Variants in C1orf21 observed in about 807,000 individuals in gnomAD.
C1orf21 encodes chromosome 1 open reading frame 21.
Under a neutral mutation model 18.7 loss-of-function variants are expected in C1orf21, and 3 were observed. The ratio of observed to expected loss-of-function variants is 0.16; its 90% CI spans 0.07 to 0.42. The LOEUF (loss-of-function observed/expected upper bound fraction) is 0.42. Ranked by LOEUF, C1orf21 falls within the 10% of genes least tolerant of loss-of-function variation. The pLI is 0.99. For synonymous variants in C1orf21, 41 were observed against 46.4 expected (o/e 0.88, Z 0.47); for missense variants, 104 against 143.6 (o/e 0.72, Z 1.41).
intron 1 of C1orf21, among the ~76,000 whole-genome samples, chr1:184,449,698 T>G (rs1455186623): frequency 6.6e-6 from 1 of 152,112 alleles, no homozygotes. Context: ...CCAAGAACGG[T>G]TTTAGTTGGA....
chr1:184,615,838 G>A (rs1659813172), intron 5 of C1orf21, among the ~76,000 whole-genome samples: 1 of 152,056 alleles, frequency 6.6e-6, no homozygotes. Context: ...CGTATTTATA[G>A]GGTACATGTG....
intron 3 of C1orf21, among the ~76,000 whole-genome samples, chr1:184,510,272 A>C (rs1176023587): frequency 6.6e-6 from 1 of 152,252 alleles, no homozygotes; most frequent in South Asian, 2.1e-4. Flanking sequence ...ATTTTCGCTC[A>C]GTTCAACAAA....
At chr1:184,495,547 C>T (rs186784380) in intron 2 of C1orf21, among the ~76,000 whole-genome samples, 1 of 152,112 alleles carries the variant, frequency 6.6e-6, no homozygotes, top group Non-Finnish European at 1.5e-5. Context: ...ACTTACTCAT[C>T]TTCCCTCCCT....
At position 184,582,083 on chromosome 1, in the gene C1orf21, C is replaced by G. The variant is rs144660529; in HGVS notation, c.190-8656C>G. ...AGCTTGGGCTTCATTTGTAAACATCCTGAAATTCTGAGAGTCAAGGTGGCT... is the reference window on the plus strand; with the variant it reads ...AGCTTGGGCTTCATTTGTAAACATCGTGAAATTCTGAGAGTCAAGGTGGCT... On this transcript the variant is annotated intron_variant, in intron 3 of 5. Transcript: ENST00000235307. Among the ~76,000 whole-genome samples the G allele has an allele frequency of 2.0e-3, 305 of 152,268 alleles. 1 individual carries two copies. The highest frequency in any genetic ancestry group is 7.2e-3 in the African/African-American group (301 of 41,550).
rs148232391 is a variant in C1orf21 at position 184,573,427 on chromosome 1, A to C, written c.190-17312A>C. Among the ~76,000 whole-genome samples the C allele has an allele frequency of 2.6e-3, 389 of 152,334 alleles. 2 individuals are homozygous for C. Among genetic ancestry groups the C allele is most frequent in the African/African-American group, 8.7e-3 (360 of 41,574 alleles). ...CGCGTGATGTTAACATCATTCTCGAAGAGTTCTTGGCCGAAGATTCATTTG... is the reference window on the plus strand; with the variant it reads ...CGCGTGATGTTAACATCATTCTCGACGAGTTCTTGGCCGAAGATTCATTTG... On this transcript the variant is annotated intron_variant, in intron 3 of 5. Transcript: ENST00000235307.
At chr1:184,532,217 G>A (rs1261731247) in intron 3 of C1orf21, among the ~76,000 whole-genome samples, 1 of 152,038 alleles carries the variant, frequency 6.6e-6, no homozygotes, top group African/African-American at 2.4e-5. Flanking sequence ...TCACTTGTGT[G>A]ACCTTGAGCA....
chr1:184,446,622 C>G (rs542075560), intron 1 of C1orf21, among the ~76,000 whole-genome samples: 2 of 151,932 alleles, frequency 1.3e-5, no homozygotes, highest in South Asian at 4.1e-4. Context: ...GAAAGACAGA[C>G]AGACGTGTAA....
At chr1:184,593,891 A>G (rs1185059247) in intron 4 of C1orf21, among the ~76,000 whole-genome samples, 2 of 152,220 alleles carry the variant, frequency 1.3e-5, no homozygotes, top group African/African-American at 4.8e-5. Flanking sequence ...GATTACATAG[A>G]ACATGACGCA....
At chr1:184,393,925 C>T (rs774131454) in intron 1 of C1orf21, among the ~76,000 whole-genome samples, 4 of 152,060 alleles carry the variant, frequency 2.6e-5, no homozygotes, top group Non-Finnish European at 5.9e-5. Context: ...TTTTACTGCT[C>T]TCCATGAAAA....
At chr1:184,595,755 A>G (rs1056841088) in intron 4 of C1orf21, among the ~76,000 whole-genome samples, 6 of 152,166 alleles carry the variant, frequency 3.9e-5, no homozygotes, top group South Asian at 2.1e-4. Context: ...TATCTGGAGG[A>G]GCCTGTCTGG....
chr1:184,611,338 C>G (rs1659733973), intron 5 of C1orf21, among the ~76,000 whole-genome samples: 1 of 152,220 alleles, frequency 6.6e-6, no homozygotes, highest in African/African-American at 2.4e-5. Context: ...TAAAGAGGCT[C>G]TGACACATCC....
At chr1:184,514,699 ATTGT>A (rs945440722) in intron 3 of C1orf21, among the ~76,000 whole-genome samples, 6 of 152,184 alleles carry the variant, frequency 3.9e-5, no homozygotes, top group Admixed American at 3.9e-4. Flanking sequence ...TCACTACAGC[ATTGT>A]TTATGTTAGT....
At chr1:184,609,823 T>C (rs1457214513) in intron 5 of C1orf21, among the ~76,000 whole-genome samples, 1 of 152,232 alleles carries the variant, frequency 6.6e-6, no homozygotes, top group Non-Finnish European at 1.5e-5. Flanking sequence ...ATTAAAATGG[T>C]ATAAAAATGT....
At chr1:184,577,455 G>A (rs536988943) in intron 3 of C1orf21, among the ~76,000 whole-genome samples, 1 of 152,186 alleles carries the variant, frequency 6.6e-6, no homozygotes, top group South Asian at 2.1e-4. Context: ...CACTGAATGT[G>A]TGTTAATTTG....
At chr1:184,576,785 G>A (rs1303258850) in intron 3 of C1orf21, among the ~76,000 whole-genome samples, 2 of 152,196 alleles carry the variant, frequency 1.3e-5, no homozygotes, top group Non-Finnish European at 2.9e-5. Context: ...ATCCACTCTT[G>A]TGACTTTCCT....
intron 1 of C1orf21, among the ~76,000 whole-genome samples, chr1:184,467,400 C>T (rs1657415256): frequency 6.6e-6 from 1 of 152,190 alleles, no homozygotes; most frequent in Admixed American, 6.5e-5. Flanking sequence ...CAGGAGAGAG[C>T]TCACTGACCT....
intron 2 of C1orf21, among the ~76,000 whole-genome samples, chr1:184,481,348 A>G (rs1657650828): frequency 6.6e-6 from 1 of 152,138 alleles, no homozygotes; most frequent in Non-Finnish European, 1.5e-5. Context: ...TAGTGGGGGC[A>G]TGATCTCCTT....
At chr1:184,548,249 A>ACACACACT (rs1179410098) in intron 3 of C1orf21, among the ~76,000 whole-genome samples, 1 of 133,920 alleles carries the variant, frequency 7.5e-6, no homozygotes, top group Non-Finnish European at 1.7e-5. Flanking sequence ...ACACACACAC[A>ACACACACT]CACACACTCA....
At chr1:184,487,717 T>C (rs1379803077) in intron 2 of C1orf21, among the ~76,000 whole-genome samples, 1 of 152,180 alleles carries the variant, frequency 6.6e-6, no homozygotes. Context: ...GCACACAGAC[T>C]GAAAATCTGG....
Sources: allele counts gnomAD v4.1 joint callset (sites outside exome capture counted in the v4.1 genomes callset), GRCh38; gene constraint gnomAD v4.1.1; transcripts MANE v1.5; gene names NCBI Gene and HGNC (gene_info 2026-07-23, HGNC 2026-07-21).